Variants in PSD3 observed in about 807,000 individuals in gnomAD.
The protein encoded by PSD3 is pleckstrin and Sec7 domain containing 3, also known as PH and SEC7 domain-containing protein 3.
In PSD3, 49 loss-of-function variants were observed where a neutral mutation model predicts 105.5. The observed-to-expected ratio is 0.46, with a 90% CI of 0.37 to 0.59. PSD3 has a LOEUF of 0.59. Ranked by LOEUF, PSD3 falls within the 20% of genes least tolerant of loss-of-function variation. The pLI is 0.00. For missense variants in PSD3, 1,561 were observed against 1,263.8 expected (o/e 1.24, Z -3.57); for synonymous variants, 557 against 457.8 (o/e 1.22, Z -2.77).
At chr8:18,819,575 A>ATTTTTTTTTTTTTTTTTT (rs746931460) in intron 4 of PSD3, among the ~76,000 whole-genome samples, 5 of 111,320 alleles carry the variant, frequency 4.5e-5, no homozygotes, top group East Asian at 3.3e-4. Flanking sequence ...ATTAGAATGG[A>ATTTTTTTTTTTTTTTTTT]TTTTTTTTTT....
At chr8:18,648,248 A>G (rs1188725171) in intron 10 of PSD3, among the ~76,000 whole-genome samples, 1 of 152,216 alleles carries the variant, frequency 6.6e-6, no homozygotes, top group African/African-American at 2.4e-5. Context: ...GACTTCCTAG[A>G]GGCTTCTTAA....
At chr8:18,593,896 C>A (rs1357390491) in intron 12 of PSD3, among the ~76,000 whole-genome samples, 2 of 139,630 alleles carry the variant, frequency 1.4e-5, no homozygotes, top group Non-Finnish European at 3.0e-5. Flanking sequence ...ACACCGCATG[C>A]TCTCAGTCAT....
At chr8:18,591,764 G>A (rs1331448449) in intron 12 of PSD3, among the ~76,000 whole-genome samples, 1 of 152,128 alleles carries the variant, frequency 6.6e-6, no homozygotes, top group Non-Finnish European at 1.5e-5. Context: ...CCTGATTCAG[G>A]GAACTGATGG....
At chr8:18,711,782 G>C (rs1165524717) in intron 9 of PSD3, among the ~76,000 whole-genome samples, 1 of 152,090 alleles carries the variant, frequency 6.6e-6, no homozygotes, top group African/African-American at 2.4e-5. Context: ...AAGCAGACCT[G>C]ACAGGTATCT....
chr8:18,928,442 G>C (rs1368948863), intron 2 of PSD3, among the ~76,000 whole-genome samples: 1 of 152,162 alleles, frequency 6.6e-6, no homozygotes, highest in Non-Finnish European at 1.5e-5. Context: ...AGCAGCGTGA[G>C]AACAGACTAA....
chr8:18,594,579 G>A (rs952114869), intron 12 of PSD3, among the ~76,000 whole-genome samples: 3 of 149,538 alleles, frequency 2.0e-5, no homozygotes, highest in African/African-American at 7.4e-5. Flanking sequence ...TGAAATGAAA[G>A]AATGCTAAAC....
At chr8:18,837,103 C>A (rs1345213486) in intron 4 of PSD3, among the ~76,000 whole-genome samples, 1 of 152,068 alleles carries the variant, frequency 6.6e-6, no homozygotes, top group African/African-American at 2.4e-5. Flanking sequence ...GAGCTATGGT[C>A]AGAAACTAGA....
At chr8:19,046,910 A>T (rs1269848501) in intron 1 of PSD3, among the ~76,000 whole-genome samples, 1 of 152,244 alleles carries the variant, frequency 6.6e-6, no homozygotes, top group Admixed American at 6.5e-5. Flanking sequence ...TCAAGTTTGC[A>T]TCTCAGGTGA....
chr8:19,023,666 G>A (rs1827441390), intron 1 of PSD3, among the ~76,000 whole-genome samples: 2 of 152,134 alleles, frequency 1.3e-5, no homozygotes, highest in African/African-American at 4.8e-5. Context: ...GGAACTCCCG[G>A]CCTCAAGTGA....
chr8:18,842,730 C>CA (rs1814744836), intron 4 of PSD3, among the ~76,000 whole-genome samples: 1 of 132,524 alleles, frequency 7.5e-6, no homozygotes, highest in Non-Finnish European at 1.7e-5. Flanking sequence ...GAGACTCCGT[C>CA]TAAAAAAAAA....
intron 9 of PSD3, among the ~76,000 whole-genome samples, chr8:18,667,489 A>G (rs937853516): frequency 1.3e-5 from 2 of 152,198 alleles, no homozygotes; most frequent in African/African-American, 2.4e-5. Flanking sequence ...AGCTAGATAC[A>G]GAGTGCCCAC....
At chr8:18,659,526 T>A (rs1213957300) in intron 9 of PSD3, among the ~76,000 whole-genome samples, 1 of 152,242 alleles carries the variant, frequency 6.6e-6, no homozygotes, top group Non-Finnish European at 1.5e-5. Context: ...TAACACTTCA[T>A]GTTTACATCA....
intron 2 of PSD3, among the ~76,000 whole-genome samples, chr8:18,898,788 C>T (rs1298741673): frequency 2.0e-5 from 3 of 152,072 alleles, no homozygotes; most frequent in Admixed American, 2.0e-4. Flanking sequence ...TCTTCATCCT[C>T]AATTTCTCAT....
chr8:18,800,159 G>A (rs1563284034), intron 7 of PSD3, among the ~76,000 whole-genome samples: 1 of 152,040 alleles, frequency 6.6e-6, no homozygotes, highest in East Asian at 1.9e-4. Context: ...CTCATCAACA[G>A]CCAATTAAGT....
At chr8:18,771,166 G>A (rs1044258921) in intron 8 of PSD3, among the ~76,000 whole-genome samples, 2 of 152,120 alleles carry the variant, frequency 1.3e-5, no homozygotes, top group African/African-American at 2.4e-5. Flanking sequence ...ACAGGAATGG[G>A]GGGCAGAGCA....
intron 9 of PSD3, among the ~76,000 whole-genome samples, chr8:18,694,203 A>C (rs1406573593): frequency 1.3e-5 from 2 of 152,152 alleles, no homozygotes; most frequent in Non-Finnish European, 2.9e-5. Context: ...ACACCTGCCC[A>C]CCACACCCAC....
At chr8:18,784,724 G>C (rs1184881922) in intron 8 of PSD3, among the ~76,000 whole-genome samples, 1 of 152,208 alleles carries the variant, frequency 6.6e-6, no homozygotes, top group African/African-American at 2.4e-5. Context: ...GATACACAGA[G>C]TGAGGTCTGA....
intron 1 of PSD3, among the ~76,000 whole-genome samples, chr8:19,043,472 T>C (rs1828200309): frequency 6.6e-6 from 1 of 152,176 alleles, no homozygotes; most frequent in African/African-American, 2.4e-5. Flanking sequence ...TGGGGTCCAA[T>C]CTATTGCTTT....
At chr8:18,622,845 T>A (rs867122657) in intron 11 of PSD3, among the ~76,000 whole-genome samples, 1 of 152,212 alleles carries the variant, frequency 6.6e-6, no homozygotes, top group South Asian at 2.1e-4. Context: ...CTCTTAGTTC[T>A]ATCCAGTTTT....
Sources: allele counts gnomAD v4.1 joint callset (sites outside exome capture counted in the v4.1 genomes callset), GRCh38; gene constraint gnomAD v4.1.1; transcripts MANE v1.5; gene names NCBI Gene and HGNC (gene_info 2026-07-23, HGNC 2026-07-21).